Variants in MMS19 observed in about 807,000 individuals in gnomAD.
MMS19 encodes the protein MMS19 nucleotide excision repair protein homolog.
In MMS19, 77 loss-of-function variants were observed where a neutral mutation model predicts 129.8. The observed-to-expected ratio is 0.59, with a 90% CI of 0.49 to 0.72. MMS19 has a LOEUF of 0.72. Ranked by LOEUF, MMS19 falls within the 30% of genes least tolerant of loss-of-function variation. MMS19 has a pLI of 0.00. For synonymous variants in MMS19, 491 were observed against 502.8 expected (o/e 0.98, Z 0.31); for missense variants, 1,168 against 1,266.3 (o/e 0.92, Z 1.18).
Position 97,458,782 on chromosome 10 carries a change from C to G in MMS19, c.3065+18G>C, listed in dbSNP as rs754881597. On this transcript the variant is annotated intron_variant, in intron 30 of 30. Transcript: ENST00000438925. ...GGCTCATCTTGGTCCCATCTCTCCC[C>G]ACGACCTAGAAACTCACCACTCCCC... 1 of 1,613,780 alleles carries G rather than the reference C, an allele frequency of 6.2e-7. No homozygotes were observed. Among genetic ancestry groups the G allele is most frequent in the South Asian group, 1.1e-5 (1 of 91,052 alleles).
At chr10:97,466,700 T>G in intron 15 of MMS19, 76 bp downstream of exon 15, 1 of 1,605,406 alleles carries the variant, frequency 6.2e-7, no homozygotes, top group East Asian at 2.2e-5. Context: ...AAGAGGATAG[T>G]AAGGCTGCTT....
rs151338259 is a variant in MMS19 at position 97,459,737 on chromosome 10, C to T, written c.2661G>A (p.Val887=). ...AAAGACCCTTCAAGTAGTTTGGCTT[C>T]ACATCTGTAAAAAATGGAAAGGCTT... ...VQGFHAAPQD[V]KPNYLKGLSH... Residue 887 remains valine (V), a synonymous_variant, in exon 27 of 31, where the codon GTG becomes GTA. Coordinates refer to ENST00000438925, the MANE Select transcript of MMS19 (RefSeq NM_022362.5). The T allele has an allele frequency of 6.2e-6, 10 of 1,609,094 alleles. No individual in the cohort carries two copies. The African/African-American group carries it at 1.2e-4, about 19-fold the overall frequency.
At chr10:97,476,633 A>G in intron 8 of MMS19, 50 bp downstream of exon 8, 2 of 1,580,048 alleles carry the variant, frequency 1.3e-6, no homozygotes, top group South Asian at 2.2e-5. Context: ...GGCTTGGCAC[A>G]TAGCAGACAC....
chr10:97,470,058 G>C, intron 10 of MMS19, 71 bp downstream of exon 10: 5 of 1,080,452 alleles, frequency 4.6e-6, no homozygotes, highest in Non-Finnish European at 7.0e-6. Context: ...GGCTATCCTA[G>C]AATCTATATC....
At position 97,480,976 on chromosome 10, in the gene MMS19, T is replaced by C. The variant is rs549378336; in HGVS notation, c.228A>G (p.Leu76=). ...CCAGGAGCAAGGTGTGACAGTGGAG[T>C]AGCACCTGTGACAAAAGCTGGATTG... The part of the protein sequence containing the change: ...ARAIQLLSQV[L]LHCHTLLLEK... The change falls in exon 3 of 31, where the codon CTA becomes CTG. Residue 76 remains leucine, a synonymous_variant. Transcript: ENST00000438925. The C allele has an allele frequency of 8.7e-6, 14 of 1,609,732 alleles. No individual in the cohort carries two copies. In the African/African-American group the frequency reaches 1.7e-4, roughly 20 times the overall value.
Position 97,475,491 on chromosome 10 carries a change from C to T in MMS19, c.684+1192G>A, listed in dbSNP as rs2035569988. On this transcript the variant is annotated intron_variant, in intron 8 of 30. Coordinates refer to ENST00000438925, the MANE Select transcript of MMS19 (RefSeq NM_022362.5). ...GTGGCCCACGCCTGTAATCCCAGCA[C>T]TTTGGGAGGCCGAGGCAGTTGGATC... is the stretch of plus-strand genomic sequence containing the variant. 2.0e-5 allele frequency among the ~76,000 whole-genome samples: 3 copies of T among 152,032 alleles called. No homozygotes were observed. The South Asian group carries it at 6.2e-4, about 31-fold the overall frequency.
chr10:97,481,125 C>A, intron 2 of MMS19, 83 bp from the exon 3 acceptor site: 1 of 891,332 alleles, frequency 1.1e-6, no homozygotes, highest in Non-Finnish European at 1.8e-6. Flanking sequence ...TAGTCACACT[C>A]ACCCCCTGGG....
At chr10:97,496,693 G>A (rs1214725189) in intron 1 of MMS19, among the ~76,000 whole-genome samples, 2 of 152,080 alleles carry the variant, frequency 1.3e-5, no homozygotes, top group African/African-American at 4.8e-5. Flanking sequence ...ATATAGTAAT[G>A]TTCTATATCT....
At chr10:97,493,363 G>T (rs1188472213) in intron 1 of MMS19, among the ~76,000 whole-genome samples, 1 of 152,156 alleles carries the variant, frequency 6.6e-6, no homozygotes, top group Non-Finnish European at 1.5e-5. Context: ...GATCGCTAGA[G>T]GTCAGGAGTT....
chr10:97,482,130 C>T (rs967658076), intron 2 of MMS19, among the ~76,000 whole-genome samples: 8 of 152,072 alleles, frequency 5.3e-5, no homozygotes, highest in Non-Finnish European at 1.0e-4. Context: ...GGGCCATGAT[C>T]GCTCCACTGC....
chr10:97,469,283 C>A (rs1168707980), intron 11 of MMS19, among the ~76,000 whole-genome samples, 179 bp from the exon 12 acceptor site: 1 of 152,206 alleles, frequency 6.6e-6, no homozygotes, highest in Non-Finnish European at 1.5e-5. Context: ...TCCTTAGTCA[C>A]ACTCAGGACA....
chr10:97,463,878 G>A lies in MMS19; in HGVS notation c.1892C>T (p.Ala631Val). Residue 631 changes from alanine to valine, a missense_variant, in exon 19 of 31, where the codon GCT (alanine) becomes GTT (valine). Physicochemically the swap from Ala to Val is moderately conservative, Grantham distance 64. Coordinates refer to ENST00000438925, the MANE Select transcript of MMS19 (RefSeq NM_022362.5). ...QTAIPCLLAL[A>V]VQASMPEKEP... is the part of the protein sequence containing the mutation. ...GTTACCTGGCATAGAGGCCTGCACA[G>A]CCAAGGCAAGCAGGCAAGGTATAGC... 2 of 1,611,724 alleles carry A rather than the reference G, an allele frequency of 1.2e-6. No individual in the cohort carries two copies. The highest frequency in any genetic ancestry group is 1.1e-5 in the South Asian group (1 of 90,490).
At position 97,459,745 on chromosome 10, in the gene MMS19, T is replaced by TA. The variant is rs200776602; in HGVS notation, c.2657-5dup. On this transcript the variant is annotated splice_region_variant and splice_polypyrimidine_tract_variant and intron_variant, in intron 26 of 30. Coordinates refer to ENST00000438925, the MANE Select transcript of MMS19 (RefSeq NM_022362.5). ...TTCAAGTAGTTTGGCTTCACATCTG[T>TA]AAAAAATGGAAAGGCTTAGGGGAGA... The TA allele has an allele frequency of 1.3e-3, 2,166 of 1,605,572 alleles. 45 individuals carry two copies. In the Admixed American group the frequency reaches 0.034, roughly 25 times the overall value.
At position 97,459,485 on chromosome 10, in the gene MMS19, ACAGT is replaced by A. The variant is rs760803716; in HGVS notation, c.2777_2780del (p.Asp926ValfsTer22). 2.5e-6 allele frequency: 4 copies of A among 1,613,380 alleles called. No individual in the cohort carries two copies. Among genetic ancestry groups the A allele is most frequent in the Non-Finnish European group, 2.5e-6 (3 of 1,179,678 alleles). ...AGCTGAGGGTGGAGAGCTGCACCAC[ACAGT>A]CAGGGCAGGACAGGGCCTCCAGCAG... On this transcript the variant is annotated frameshift_variant, in exon 28 of 31. Transcript: ENST00000438925. LOFTEE classifies it high-confidence loss of function.
At chr10:97,470,033 C>T in intron 10 of MMS19, 96 bp downstream of exon 10, 1 of 885,692 alleles carries the variant, frequency 1.1e-6, no homozygotes. Flanking sequence ...TTCTGAGGCC[C>T]ATGAACTGTT....
chr10:97,489,354 G>A (rs903634227), intron 1 of MMS19, among the ~76,000 whole-genome samples: 2 of 152,198 alleles, frequency 1.3e-5, no homozygotes, highest in African/African-American at 4.8e-5. Context: ...TTCAGGGAGG[G>A]AAAATGCATA....
chr10:97,466,457 C>T, intron 16 of MMS19, 47 bp downstream of exon 16: 1 of 1,435,608 alleles, frequency 7.0e-7, no homozygotes, highest in South Asian at 1.1e-5. Flanking sequence ...GCTGCCAATA[C>T]AGAGGCAGGG....
chr10:97,466,106 G>C lies in MMS19; in HGVS notation c.1559C>G (p.Ala520Gly). Residue 520 changes from alanine to glycine, a missense_variant, in exon 17 of 31, where the codon GCC becomes GGC. Coordinates refer to ENST00000438925, the MANE Select transcript of MMS19 (RefSeq NM_022362.5). ...CTTGGGTACGAGGTGGCTGCTGAAG[G>C]CCACAGGGTAGAGAGCAGCCAGGGT... ...SGTLAALYPV[A>G]FSSHLVPKLA... 2 of 1,604,086 alleles carry C rather than the reference G, an allele frequency of 1.2e-6. No individual in the cohort carries two copies. The highest frequency in any genetic ancestry group is 2.2e-5 in the South Asian group (2 of 90,186).
intron 14 of MMS19, among the ~76,000 whole-genome samples, chr10:97,467,246 T>G (rs1358445954): frequency 6.6e-6 from 1 of 152,234 alleles, no homozygotes; most frequent in Non-Finnish European, 1.5e-5. Flanking sequence ...ACCAAAGTGC[T>G]GGGATTATAG....
Sources: allele counts gnomAD v4.1 joint callset (sites outside exome capture counted in the v4.1 genomes callset), GRCh38; gene constraint gnomAD v4.1.1; transcripts MANE v1.5; gene names NCBI Gene and HGNC (gene_info 2026-07-23, HGNC 2026-07-21).